Variants in CCDC195 observed in about 807,000 individuals in gnomAD.
CCDC195 encodes coiled-coil domain containing 195.
chr2:224,704,399 C>G (rs74865086), intron 2 of CCDC195, among the ~76,000 whole-genome samples: 2,812 of 152,170 alleles, frequency 0.018, 74 homozygotes, highest in African/African-American at 0.061. Context: ...CTCCTTTTAC[C>G]TCTAAAATAT....
intron 1 of CCDC195, among the ~76,000 whole-genome samples, chr2:224,713,423 GA>G (rs1161883214): frequency 6.6e-6 from 1 of 152,096 alleles, no homozygotes; most frequent in East Asian, 1.9e-4. Flanking sequence ...TTTTACAGAT[GA>G]AGAGAGTGAT....
At chr2:224,715,254 T>C (rs1381290493) in intron 1 of CCDC195, among the ~76,000 whole-genome samples, 1 of 152,200 alleles carries the variant, frequency 6.6e-6, no homozygotes, top group Admixed American at 6.5e-5. Context: ...AGTATTTAAT[T>C]ATGTATATGA....
At chr2:224,713,115 C>A (rs1468638682) in intron 1 of CCDC195, among the ~76,000 whole-genome samples, 1 of 152,164 alleles carries the variant, frequency 6.6e-6, no homozygotes, top group Admixed American at 6.5e-5. Flanking sequence ...GATCCACCCA[C>A]CTTGGCCTCC....
chr2:224,715,380 C>A (rs574310758), intron 1 of CCDC195, among the ~76,000 whole-genome samples: 1 of 152,250 alleles, frequency 6.6e-6, no homozygotes, highest in South Asian at 2.1e-4. Context: ...CAAAATATTT[C>A]TCATAAAATG....
chr2:224,704,772 G>A (rs1490243560), intron 2 of CCDC195, among the ~76,000 whole-genome samples: 2 of 151,922 alleles, frequency 1.3e-5, no homozygotes, highest in African/African-American at 2.4e-5. Context: ...ACAGGTGCAC[G>A]TCACCATGCT....
intron 2 of CCDC195, among the ~76,000 whole-genome samples, chr2:224,709,086 C>CTTTTTT (rs35179742): frequency 2.1e-4 from 20 of 95,740 alleles, no homozygotes; most frequent in African/African-American, 2.6e-4. Context: ...TTTCTTTTGT[C>CTTTTTT]TTTTTTTTTT....
intron 1 of CCDC195, among the ~76,000 whole-genome samples, chr2:224,713,993 TTTCTTTTCTA>T (rs1480334773): frequency 1.3e-5 from 2 of 151,936 alleles, no homozygotes; most frequent in African/African-American, 4.8e-5. Context: ...TTTCTTTTCT[TTTCTTTTCTA>T]TTCTTTTCTT....
At chr2:224,709,367 G>C (rs975295807) in intron 2 of CCDC195, among the ~76,000 whole-genome samples, 2 of 152,168 alleles carry the variant, frequency 1.3e-5, no homozygotes, top group East Asian at 3.9e-4. Context: ...TTTCTTGACT[G>C]TTGTCTCACA....
rs142544268 is a variant in CCDC195 at position 224,711,649 on chromosome 2, C to T, written c.236-1430G>A. On this transcript the variant is annotated intron_variant, in intron 1 of 2. Coordinates refer to ENST00000638102, the Ensembl canonical transcript of CCDC195. ...TTTCTTACTGCAGCTTTGCCATGAA[C>T]GAGCATGAAAGCGTAAAAAAACCAC... 3.1e-3 allele frequency among the ~76,000 whole-genome samples: 470 copies of T among 152,128 alleles called. 1 individual carries two copies. Among genetic ancestry groups the T allele is most frequent in the African/African-American group, 0.01 (427 of 41,508 alleles).
intron 2 of CCDC195, among the ~76,000 whole-genome samples, chr2:224,706,891 A>AT: frequency 6.9e-6 from 1 of 143,952 alleles, no homozygotes; most frequent in Admixed American, 7.1e-5. Context: ...GTCTGTGTGT[A>AT]TATATATATA....
intron 2 of CCDC195, among the ~76,000 whole-genome samples, chr2:224,706,788 G>T (rs1452053146): frequency 6.7e-6 from 1 of 149,470 alleles, no homozygotes; most frequent in African/African-American, 2.5e-5. Flanking sequence ...GGGATTACAG[G>T]CATGAGCCAC....
At chr2:224,711,620 A>T (rs16866125) in intron 1 of CCDC195, among the ~76,000 whole-genome samples, 2,186 of 152,224 alleles carry the variant, frequency 0.014, 51 homozygotes, top group African/African-American at 0.048. Context: ...TGGAATCTTC[A>T]TTCTTTCTTA....
intron 2 of CCDC195, among the ~76,000 whole-genome samples, chr2:224,704,610 C>CTTTTTTTTTTTTTTTTTTT (rs55801561): frequency 2.2e-4 from 24 of 110,644 alleles, no homozygotes; most frequent in Admixed American, 3.2e-4. Flanking sequence ...CTTTTCTTTT[C>CTTTTTTTTTTTTTTTTTTT]TTTTTTTTTT....
intron 1 of CCDC195, among the ~76,000 whole-genome samples, chr2:224,712,855 C>A (rs1397142713): frequency 6.6e-6 from 1 of 150,974 alleles, no homozygotes; most frequent in Non-Finnish European, 1.5e-5. Flanking sequence ...CCCTCCCTCC[C>A]TTCCTTCCTT....
At chr2:224,710,264 A>G (rs1429179783) in intron 1 of CCDC195, 45 bp from the exon 2 acceptor site, 1 of 398,190 alleles carries the variant, frequency 2.5e-6, no homozygotes, top group Non-Finnish European at 4.4e-6. Flanking sequence ...TTCTACCCTA[A>G]TGACACTCAC....
intron 2 of CCDC195, among the ~76,000 whole-genome samples, chr2:224,709,615 G>A (rs903664792): frequency 2.6e-5 from 4 of 152,222 alleles, no homozygotes; most frequent in Non-Finnish European, 5.9e-5. Context: ...GCACTTTATT[G>A]CAGTAGATAG....
intron 2 of CCDC195, among the ~76,000 whole-genome samples, chr2:224,709,431 G>T (rs1689280291): frequency 6.6e-6 from 1 of 152,026 alleles, no homozygotes; most frequent in South Asian, 2.1e-4. Context: ...CACATATTTT[G>T]GAGAGCAAAT....
At chr2:224,712,300 G>C (rs1024110484) in intron 1 of CCDC195, among the ~76,000 whole-genome samples, 2 of 152,328 alleles carry the variant, frequency 1.3e-5, no homozygotes, top group African/African-American at 2.4e-5. Flanking sequence ...CAGCAATGCT[G>C]TAAAGGGTTG....
At chr2:224,706,155 T>A (rs1253863135) in intron 2 of CCDC195, among the ~76,000 whole-genome samples, 1 of 149,976 alleles carries the variant, frequency 6.7e-6, no homozygotes, top group Non-Finnish European at 1.5e-5. Flanking sequence ...TTTTTAAACA[T>A]TTTTACTTTG....
Sources: gnomAD v4.1 joint callset for allele counts (sites outside exome capture counted in the v4.1 genomes callset) on GRCh38, gnomAD v4.1.1 for gene constraint, MANE v1.5 for transcripts, NCBI Gene and HGNC (gene_info 2026-07-23, HGNC 2026-07-21) for gene names.